The following PLCXD2 variants were observed in gnomAD, a reference collection of about 807,000 sequenced individuals.
PLCXD2 encodes the protein phosphatidylinositol specific phospholipase C X domain containing 2.
Under a neutral mutation model 28.6 loss-of-function variants are expected in PLCXD2, and 21 were observed. That is an observed-to-expected ratio of 0.73 (90% CI 0.52 to 1.06). The LOEUF (loss-of-function observed/expected upper bound fraction) is 1.06, where lower values mean the gene tolerates loss of function less well. PLCXD2 is among the 50% of genes least tolerant of loss of function. The probability of loss-of-function intolerance (pLI) is 0.00; values close to 1 mark genes in which losing one functional copy is unlikely to be tolerated. For missense variants in PLCXD2, 369 were observed against 376.7 expected (o/e 0.98, Z 0.17); for synonymous variants, 140 against 150.1 (o/e 0.93, Z 0.49).
intron 3 of PLCXD2, chr3:111,722,156 A>T (rs1313171624): frequency 1.3e-5 from 2 of 149,514 alleles, no homozygotes; most frequent in East Asian, 3.9e-4. Context: ...AGAGGTGCTT[A>T]TCTATAAGGA....
At chr3:111,690,788 C>T (rs774221066) in intron 1 of PLCXD2, among the ~76,000 whole-genome samples, 34 of 152,162 alleles carry the variant, frequency 2.2e-4, no homozygotes, top group Non-Finnish European at 4.0e-4. Flanking sequence ...AGCTAAGAAG[C>T]TTCTCTGTAT....
intron 1 of PLCXD2, among the ~76,000 whole-genome samples, chr3:111,695,200 A>G (rs1940944688): frequency 6.8e-6 from 1 of 148,144 alleles, no homozygotes; most frequent in Non-Finnish European, 1.5e-5. Context: ...AAACATTTTT[A>G]ATAGAAATTC....
chr3:111,708,065 A>G lies in PLCXD2; in HGVS notation c.303A>G (p.Thr101=). 1 of 1,614,194 alleles carries G rather than the reference A, an allele frequency of 6.2e-7. No homozygotes were observed. Among genetic ancestry groups the G allele is most frequent in the Non-Finnish European group, 8.5e-7 (1 of 1,180,032 alleles). Reference sequence around the variant, plus strand: ...AGTGGTCTGTGACTCAGAACCTGACATTTCGAGAACAGCTGGAAGCTGGGA... The same window carrying G: ...AGTGGTCTGTGACTCAGAACCTGACGTTTCGAGAACAGCTGGAAGCTGGGA... Residue 101 remains threonine (T), a synonymous_variant, in exon 2 of 5, where the codon ACA becomes ACG. Transcript: ENST00000477665.
rs1941236189 is a variant in PLCXD2, at chr3:111,714,061, C to T, written c.799C>T (p.Leu267Phe). ...CTCCTTCCATGTCTCCCAAGCGATC[C>T]TCACCCCCAGAGTGAAGACCATTGC... The change falls in exon 3 of 5, where the codon CTC becomes TTC. Residue 267 changes from leucine to phenylalanine, a missense_variant. Physicochemically the swap from Leu to Phe is conservative, Grantham distance 22 (BLOSUM62 0). Coordinates refer to ENST00000477665, the MANE Select transcript of PLCXD2 (RefSeq NM_001185106.1). 3 of 1,614,152 alleles carry T rather than the reference C, an allele frequency of 1.9e-6. No homozygotes were observed. Among genetic ancestry groups the T allele is most frequent in the East Asian group, 4.5e-5 (2 of 44,882 alleles).
At chr3:111,714,925 G>C (rs543147901) in intron 3 of PLCXD2, among the ~76,000 whole-genome samples, 1 of 152,296 alleles carries the variant, frequency 6.6e-6, no homozygotes, top group South Asian at 2.1e-4. Context: ...ATACGTTTGG[G>C]TAGCAAAAGA....
rs1435284441 is a variant in PLCXD2, at chr3:111,675,057, C to G, written c.-189C>G. 3.3e-6 allele frequency: 2 copies of G among 613,866 alleles called. No homozygotes were observed. Among genetic ancestry groups the G allele is most frequent in the African/African-American group, 3.7e-5 (2 of 53,906 alleles). 38.0% of individuals were successfully genotyped at this position (613,866 alleles called of 1,614,324 possible). A position where few individuals can be genotyped will look rare whatever the true frequency, so the allele number is the denominator to read the frequency against. ...TAAGGGAGTGGAGCGGAGGCTGGGCCGGAGAGAGTGGGGACTGTGAGTGCT... is the reference window on the plus strand; with the variant it reads ...TAAGGGAGTGGAGCGGAGGCTGGGCGGGAGAGAGTGGGGACTGTGAGTGCT... On this transcript the variant is annotated 5_prime_UTR_variant, in exon 1 of 5. Coordinates refer to ENST00000477665, the MANE Select transcript of PLCXD2 (RefSeq NM_001185106.1).
chr3:111,680,930 A>G (rs1347280380), intron 1 of PLCXD2, among the ~76,000 whole-genome samples: 2 of 152,170 alleles, frequency 1.3e-5, no homozygotes, highest in African/African-American at 4.8e-5. Flanking sequence ...CTAGATAATA[A>G]TAACAATTGT....
intron 1 of PLCXD2, among the ~76,000 whole-genome samples, chr3:111,704,337 C>T (rs182812454): frequency 3.9e-4 from 59 of 152,208 alleles, no homozygotes; most frequent in African/African-American, 1.3e-3. Context: ...AATTAGCTTC[C>T]GTATGAGTTA....
Position 111,697,483 on chromosome 3 carries a change from GA to G in PLCXD2, c.164-10436del, listed in dbSNP as rs529945158. On this transcript the variant is annotated intron_variant, in intron 1 of 4. Transcript: ENST00000477665. Reference sequence around the variant, plus strand: ...TATGCATTAATATTTTTAATTTGTAGAAAAAAATACAGAAAAACTTCTGAAA... The same window carrying G: ...TATGCATTAATATTTTTAATTTGTAGAAAAAATACAGAAAAACTTCTGAAA... Among the ~76,000 whole-genome samples, 213 of 152,242 alleles carry G rather than the reference GA, an allele frequency of 1.4e-3. 1 individual carries two copies. The highest frequency in any genetic ancestry group is 5.0e-3 in the African/African-American group (208 of 41,554).
intron 1 of PLCXD2, among the ~76,000 whole-genome samples, chr3:111,706,617 A>G (rs1289401635): frequency 6.6e-6 from 1 of 152,068 alleles, no homozygotes; most frequent in Non-Finnish European, 1.5e-5. Context: ...TAAATTCCCC[A>G]ATTAAAAGAT....
intron 1 of PLCXD2, among the ~76,000 whole-genome samples, chr3:111,707,664 A>C (rs1049260607): frequency 6.6e-6 from 1 of 152,218 alleles, no homozygotes; most frequent in Non-Finnish European, 1.5e-5. Flanking sequence ...ATAGCTTTGC[A>C]AAAGGATATT....
At chr3:111,679,332 G>A (rs1315967260) in intron 1 of PLCXD2, among the ~76,000 whole-genome samples, 1 of 152,098 alleles carries the variant, frequency 6.6e-6, no homozygotes, top group East Asian at 1.9e-4. Context: ...TGAGGGAAAT[G>A]GCTAGAGGAC....
At chr3:111,677,810 C>T (rs943090804) in intron 1 of PLCXD2, among the ~76,000 whole-genome samples, 7 of 152,038 alleles carry the variant, frequency 4.6e-5, no homozygotes, top group African/African-American at 1.7e-4. Context: ...TTTTTAAAAG[C>T]GAGTGGTATT....
At chr3:111,678,775 T>G (rs1166969053) in intron 1 of PLCXD2, among the ~76,000 whole-genome samples, 1 of 152,132 alleles carries the variant, frequency 6.6e-6, no homozygotes, top group Non-Finnish European at 1.5e-5. Context: ...AATTTGAGGG[T>G]TTTTTTGTTT....
At chr3:111,675,462 T>C (rs545122720) in intron 1 of PLCXD2, 54 bp downstream of exon 1, 1 of 1,598,034 alleles carries the variant, frequency 6.3e-7, no homozygotes, top group Admixed American at 1.7e-5. Flanking sequence ...CATTTTAGTG[T>C]TGTTAAGGGG....
At chr3:111,713,778 C>T (rs1941231569) in intron 2 of PLCXD2, 109 bp from the exon 3 acceptor site, 11 of 1,233,108 alleles carry the variant, frequency 8.9e-6, no homozygotes, top group South Asian at 6.1e-5. Flanking sequence ...TGACTTTCCA[C>T]ATATGATTAT....
chr3:111,688,577 A>T (rs1940829364), intron 1 of PLCXD2, among the ~76,000 whole-genome samples: 1 of 152,214 alleles, frequency 6.6e-6, no homozygotes, highest in East Asian at 1.9e-4. Flanking sequence ...GGTTAAGCCC[A>T]TGCCCATGTG....
intron 3 of PLCXD2, among the ~76,000 whole-genome samples, chr3:111,715,172 G>T (rs1366739741): frequency 1.3e-5 from 2 of 152,148 alleles, no homozygotes; most frequent in African/African-American, 2.4e-5. Context: ...TTTCTGTGTG[G>T]CTCTACTAAG....
At chr3:111,687,684 CT>C (rs5851776) in intron 1 of PLCXD2, among the ~76,000 whole-genome samples, 58,257 of 137,022 alleles carry the variant, frequency 0.43, 10,908 homozygotes, top group Middle Eastern at 0.54. Flanking sequence ...TTCTTTCTTT[CT>C]TTTTTTTTTT....
Sources: allele counts gnomAD v4.1 joint callset (sites outside exome capture counted in the v4.1 genomes callset), GRCh38; gene constraint gnomAD v4.1.1; transcripts MANE v1.5; gene names NCBI Gene and HGNC (gene_info 2026-07-23, HGNC 2026-07-21).